The following COL4A4 variants were observed in gnomAD, a reference collection of about 807,000 sequenced individuals.
COL4A4 encodes collagen alpha-4(IV) chain.
In COL4A4, 105 loss-of-function variants were observed where a neutral mutation model predicts 192.9. The observed-to-expected ratio is 0.54, with a 90% CI of 0.46 to 0.64. The LOEUF is 0.64. Ranked by LOEUF, COL4A4 falls within the 30% of genes least tolerant of loss-of-function variation. The probability of loss-of-function intolerance (pLI) is 0.00; values close to 1 mark genes in which losing one functional copy is unlikely to be tolerated. For synonymous variants in COL4A4, 762 were observed against 769.9 expected (o/e 0.99, Z 0.17); for missense variants, 1,967 against 2,169.3 (o/e 0.91, Z 1.85).
At chr2:227,080,025 T>C (rs1030866946) in intron 24 of COL4A4, among the ~76,000 whole-genome samples, 2 of 152,176 alleles carry the variant, frequency 1.3e-5, no homozygotes, top group Non-Finnish European at 2.9e-5. Context: ...GTTCACCCTT[T>C]CATGCTCACT....
chr2:227,113,965 T>C (rs1376634280), intron 8 of COL4A4, among the ~76,000 whole-genome samples: 3 of 152,186 alleles, frequency 2.0e-5, no homozygotes, highest in African/African-American at 4.8e-5. Flanking sequence ...CACTCATCCA[T>C]GGCTTCTCAT....
the COL4A4 span, among the ~76,000 whole-genome samples, chr2:226,979,333 T>G: frequency 6.6e-6 from 1 of 152,094 alleles, no homozygotes; most frequent in African/African-American, 2.4e-5. Context: ...AAAAGCAGAA[T>G]TTATTGGGTG....
At chr2:227,107,826 T>C (rs531303004) in intron 12 of COL4A4, among the ~76,000 whole-genome samples, 65 of 149,012 alleles carry the variant, frequency 4.4e-4, no homozygotes, top group African/African-American at 8.2e-4. Flanking sequence ...GGCACAATCT[T>C]GGCTCACTGC....
intron 19 of COL4A4, among the ~76,000 whole-genome samples, chr2:227,094,866 T>C (rs1576461787): frequency 2.0e-5 from 3 of 152,186 alleles, no homozygotes; most frequent in African/African-American, 7.2e-5. Flanking sequence ...CAAAGCTATT[T>C]CCTAATGCTC....
chr2:227,091,342 G>A (rs1245316251), intron 20 of COL4A4, among the ~76,000 whole-genome samples: 1 of 150,926 alleles, frequency 6.6e-6, no homozygotes, highest in East Asian at 1.9e-4. Flanking sequence ...TTCAGGTGAA[G>A]GGTTGTAATG....
intron 19 of COL4A4, among the ~76,000 whole-genome samples, chr2:227,097,568 G>T (rs2060269145): frequency 6.6e-6 from 1 of 152,112 alleles, no homozygotes; most frequent in South Asian, 2.1e-4. Flanking sequence ...CTTACTATTA[G>T]ATCTTCATTT....
At chr2:227,096,007 A>T (rs2060191408) in intron 19 of COL4A4, among the ~76,000 whole-genome samples, 2 of 152,108 alleles carry the variant, frequency 1.3e-5, no homozygotes, top group Admixed American at 1.3e-4. Flanking sequence ...TCTGTGGAAG[A>T]CTGCATTTTT....
At chr2:227,085,975 C>G (rs1325538495) in intron 22 of COL4A4, among the ~76,000 whole-genome samples, 1 of 152,164 alleles carries the variant, frequency 6.6e-6, no homozygotes, top group Non-Finnish European at 1.5e-5. Flanking sequence ...TTCTTACCAA[C>G]AAGCCTCTAA....
intron 15 of COL4A4, among the ~76,000 whole-genome samples, chr2:227,102,393 GCTTT>G (rs1407782208): frequency 6.6e-6 from 1 of 152,168 alleles, no homozygotes; most frequent in Non-Finnish European, 1.5e-5. Flanking sequence ...CTATGAGTGG[GCTTT>G]CTATTAGTGA....
chr2:226,984,311 A>G, the COL4A4 span, among the ~76,000 whole-genome samples: 1 of 152,242 alleles, frequency 6.6e-6, no homozygotes, highest in Admixed American at 6.5e-5. Context: ...TCTGGAGGCT[A>G]GAAGTTCCAG....
rs777247703 is a variant in COL4A4, at chr2:227,103,956, T to C, written c.816+16A>G. ...TACTGCTACTTTCCAAGGTGACATA[T>C]GGATTTGGGAATTACCTTTTCTCCT... On this transcript the variant is annotated intron_variant, in intron 13 of 47. Transcript: ENST00000396625. 2 of 1,598,948 alleles carry C rather than the reference T, an allele frequency of 1.3e-6. No homozygotes were observed. Among genetic ancestry groups the C allele is most frequent in the Admixed American group, 3.3e-5 (2 of 59,996 alleles).
intron 1 of COL4A4, among the ~76,000 whole-genome samples, chr2:227,152,465 G>T (rs1052435516): frequency 6.6e-6 from 1 of 152,194 alleles, no homozygotes; most frequent in East Asian, 1.9e-4. Flanking sequence ...AGCTGCTAAA[G>T]GTTAAAAACT....
chr2:227,142,759 A>C (rs926242792), intron 3 of COL4A4, among the ~76,000 whole-genome samples: 1 of 146,038 alleles, frequency 6.8e-6, no homozygotes. Flanking sequence ...CTGTCTCACA[A>C]AAAAAAAAAA....
At chr2:227,084,719 C>T (rs186288302) in intron 22 of COL4A4, among the ~76,000 whole-genome samples, 166 of 152,214 alleles carry the variant, frequency 1.1e-3, no homozygotes, top group African/African-American at 3.8e-3. Context: ...GTAACCTAAG[C>T]GATTCCTGGG....
the COL4A4 span, among the ~76,000 whole-genome samples, chr2:226,977,400 G>A: frequency 9.9e-5 from 15 of 152,110 alleles, no homozygotes; most frequent in African/African-American, 2.4e-4. Flanking sequence ...AGAATGTTAC[G>A]TCTTCAGATG....
At chr2:226,970,811 A>G in the COL4A4 span, among the ~76,000 whole-genome samples, 1 of 152,204 alleles carries the variant, frequency 6.6e-6, no homozygotes, top group East Asian at 1.9e-4. Context: ...GTATTTCACA[A>G]GGCAATCTTG....
intron 4 of COL4A4, among the ~76,000 whole-genome samples, chr2:227,134,314 A>AAATGAGCC (rs1657782632): frequency 6.6e-6 from 1 of 152,206 alleles, no homozygotes. Flanking sequence ...AGTAGTAACA[A>AAATGAGCC]AATGAGCCAG....
rs566129352 is a variant in COL4A4 at position 227,008,528 on chromosome 2, C to T, written c.4523-224G>A. Among the ~76,000 whole-genome samples the T allele has an allele frequency of 2.0e-5, 3 of 152,278 alleles. No homozygotes were observed. The East Asian group carries it at 5.8e-4, about 29-fold the overall frequency. On this transcript the variant is annotated intron_variant, in intron 46 of 47. Coordinates refer to ENST00000396625, the MANE Select transcript of COL4A4 (RefSeq NM_000092.5). ...CTCGAGCCAAGCAGGGGGCCAGGTG[C>T]TGGAGGTGGGCACCAAGCACATCTC...
At chr2:227,043,630 T>G (rs1971890325) in intron 35 of COL4A4, among the ~76,000 whole-genome samples, 1 of 152,214 alleles carries the variant, frequency 6.6e-6, no homozygotes, top group African/African-American at 2.4e-5. Flanking sequence ...TCAATTTTGT[T>G]TCTCCTATTA....
Sources: gnomAD v4.1 joint callset for allele counts (sites outside exome capture counted in the v4.1 genomes callset) on GRCh38, gnomAD v4.1.1 for gene constraint, MANE v1.5 for transcripts, NCBI Gene and HGNC (gene_info 2026-07-23, HGNC 2026-07-21) for gene names.